The following KAT6B variants were observed in gnomAD, a reference collection of about 807,000 sequenced individuals.
KAT6B encodes the protein lysine acetyltransferase 6B.
A neutral mutation model predicts 187.5 loss-of-function variants in KAT6B; 10 were observed. The ratio of observed to expected loss-of-function variants is 0.05; its 90% CI spans 0.03 to 0.09. The LOEUF (loss-of-function observed/expected upper bound fraction) is 0.09, where lower values mean the gene tolerates loss of function less well. Among genes scored for constraint, KAT6B ranks in the 10% least tolerant of loss-of-function variants. The pLI, the probability that KAT6B is intolerant of heterozygous loss-of-function variation, is 1.00. For missense variants in KAT6B, 1,952 were observed against 2,558.9 expected, an observed-to-expected ratio of 0.76 and a Z score of 5.12; for synonymous variants, 861 against 926.8, an observed-to-expected ratio of 0.93 and a Z score of 1.29.
At chr10:74,866,026 C>G (rs1052677329) in intron 3 of KAT6B, among the ~76,000 whole-genome samples, 1 of 151,986 alleles carries the variant, frequency 6.6e-6, no homozygotes, top group African/African-American at 2.4e-5. Context: ...GATTTTTTGT[C>G]TCTGTGGGTT....
intron 13 of KAT6B, among the ~76,000 whole-genome samples, chr10:75,017,170 G>C (rs918315736): frequency 1.3e-5 from 2 of 151,682 alleles, no homozygotes; most frequent in African/African-American, 4.8e-5. Flanking sequence ...GCCAAGATAA[G>C]TGTTTTTTAT....
At chr10:74,844,698 C>A (rs1027323565) in intron 3 of KAT6B, among the ~76,000 whole-genome samples, 1 of 152,080 alleles carries the variant, frequency 6.6e-6, no homozygotes, top group Non-Finnish European at 1.5e-5. Context: ...CAGAATTCTC[C>A]TTACATTACT....
intron 11 of KAT6B, chr10:74,983,603 A>G (rs1842649722): frequency 6.6e-6 from 1 of 152,362 alleles, no homozygotes; most frequent in Middle Eastern, 3.4e-3. Context: ...TATTTCATAA[A>G]TCAGCATGAG....
intron 3 of KAT6B, among the ~76,000 whole-genome samples, chr10:74,869,157 A>G (rs1028956438): frequency 6.6e-6 from 1 of 152,048 alleles, no homozygotes. Context: ...CCTTAATACA[A>G]CCGTTTTGTT....
chr10:74,902,080 G>A (rs1846438505), intron 3 of KAT6B, among the ~76,000 whole-genome samples: 1 of 152,182 alleles, frequency 6.6e-6, no homozygotes, highest in East Asian at 1.9e-4. Context: ...CTGCACGATA[G>A]CCTGTCTGCT....
At chr10:75,018,368 G>C (rs1240717881) in intron 13 of KAT6B, among the ~76,000 whole-genome samples, 3 of 152,222 alleles carry the variant, frequency 2.0e-5, no homozygotes, top group Non-Finnish European at 4.4e-5. Context: ...TGTCTCAGGA[G>C]ACAGCCACTT....
intron 3 of KAT6B, among the ~76,000 whole-genome samples, chr10:74,859,807 A>T (rs1282185980): frequency 6.6e-6 from 1 of 152,200 alleles, no homozygotes; most frequent in Non-Finnish European, 1.5e-5. Flanking sequence ...ATCCTCATGG[A>T]GCATGTATAC....
At chr10:75,013,194 G>A (rs1844734734) in intron 13 of KAT6B, among the ~76,000 whole-genome samples, 2 of 152,258 alleles carry the variant, frequency 1.3e-5, no homozygotes, top group South Asian at 4.1e-4. Flanking sequence ...CCTGGGCTCT[G>A]CTGAAGCCCT....
intron 3 of KAT6B, among the ~76,000 whole-genome samples, chr10:74,936,706 C>T (rs1324292136): frequency 6.6e-6 from 1 of 152,034 alleles, no homozygotes; most frequent in Non-Finnish European, 1.5e-5. Flanking sequence ...TTGGAGCATC[C>T]AGGAGTGTGC....
At chr10:74,934,186 CAAAAAA>C (rs386371842) in intron 3 of KAT6B, among the ~76,000 whole-genome samples, 1 of 69,390 alleles carries the variant, frequency 1.4e-5, no homozygotes, top group Non-Finnish European at 3.3e-5. Context: ...ACTCCGTCTC[CAAAAAA>C]AAAAAAAAAA....
At chr10:74,847,256 A>T (rs1030738797) in intron 3 of KAT6B, among the ~76,000 whole-genome samples, 4 of 152,226 alleles carry the variant, frequency 2.6e-5, no homozygotes, top group Admixed American at 1.3e-4. Flanking sequence ...TTTTTACTTG[A>T]TGAAATTTGG....
chr10:74,996,768 C>CAA (rs56042160), intron 13 of KAT6B, among the ~76,000 whole-genome samples: 11 of 77,046 alleles, frequency 1.4e-4, no homozygotes, highest in African/African-American at 2.0e-4. Context: ...GACTCGGTCT[C>CAA]AAAAAAAAAA....
intron 3 of KAT6B, among the ~76,000 whole-genome samples, chr10:74,948,574 G>C (rs1170257244): frequency 1.3e-5 from 2 of 152,212 alleles, no homozygotes; most frequent in African/African-American, 4.8e-5. Flanking sequence ...AGGATTAATA[G>C]TAAGAATGTC....
chr10:74,835,917 A>C (rs1186058321), intron 1 of KAT6B, among the ~76,000 whole-genome samples: 1 of 152,214 alleles, frequency 6.6e-6, no homozygotes, highest in Non-Finnish European at 1.5e-5. Flanking sequence ...CACCACTGCC[A>C]CTATCAAGTT....
intron 6 of KAT6B, among the ~76,000 whole-genome samples, chr10:74,972,185 C>G (rs1006393711): frequency 3.3e-5 from 5 of 151,870 alleles, no homozygotes; most frequent in African/African-American, 7.3e-5. Flanking sequence ...ATGTCTCCCT[C>G]AAATCAAAAG....
intron 3 of KAT6B, among the ~76,000 whole-genome samples, chr10:74,921,023 T>C (rs925639808): frequency 2.6e-5 from 4 of 152,154 alleles, no homozygotes; most frequent in Non-Finnish European, 5.9e-5. Flanking sequence ...TTATTTCTTT[T>C]GAGCTTGATT....
intron 13 of KAT6B, among the ~76,000 whole-genome samples, chr10:75,019,286 T>A (rs1436621581): frequency 6.6e-6 from 1 of 152,242 alleles, no homozygotes; most frequent in Non-Finnish European, 1.5e-5. Context: ...CGCCTATTCT[T>A]CATAATGGCA....
intron 13 of KAT6B, among the ~76,000 whole-genome samples, chr10:75,012,794 A>G (rs1844706175): frequency 6.6e-6 from 1 of 152,174 alleles, no homozygotes. Flanking sequence ...AAATCCCAGC[A>G]TGGTCAGTCA....
chr10:74,881,097 AT>A (rs1844820155), intron 3 of KAT6B, among the ~76,000 whole-genome samples: 1 of 151,916 alleles, frequency 6.6e-6, no homozygotes, highest in Non-Finnish European at 1.5e-5. Context: ...TTTAGTAGAG[AT>A]GGGGTTTCAC....
Sources: gnomAD v4.1 joint callset for allele counts (sites outside exome capture counted in the v4.1 genomes callset) on GRCh38, gnomAD v4.1.1 for gene constraint, MANE v1.5 for transcripts, NCBI Gene and HGNC (gene_info 2026-07-23, HGNC 2026-07-21) for gene names.